The following ARHGEF18 variants were observed in gnomAD, a reference collection of about 807,000 sequenced individuals.
The protein encoded by ARHGEF18 is Rho/Rac guanine nucleotide exchange factor 18, also known as rho guanine nucleotide exchange factor 18.
Under a neutral mutation model 155.7 loss-of-function variants are expected in ARHGEF18, and 93 were observed. The ratio of observed to expected loss-of-function variants is 0.60; its 90% CI spans 0.50 to 0.71. The LOEUF is 0.71. Ranked by LOEUF, ARHGEF18 falls within the 30% of genes least tolerant of loss-of-function variation. ARHGEF18 has a pLI of 0.00. For missense variants in ARHGEF18, 1,593 were observed against 1,816.1 expected (o/e 0.88, Z 2.23); for synonymous variants, 742 against 753.1 (o/e 0.99, Z 0.24).
At chr19:7,456,501 G>A in intron 18 of ARHGEF18, 98 bp downstream of exon 18, 5 of 1,110,488 alleles carry the variant, frequency 4.5e-6, no homozygotes, top group Non-Finnish European at 6.8e-6. Flanking sequence ...CAGATCACTT[G>A]AGGTCAAGAG....
intron 10 of ARHGEF18, among the ~76,000 whole-genome samples, chr19:7,438,154 G>A (rs1050263833): frequency 3.0e-4 from 44 of 147,740 alleles, no homozygotes; most frequent in African/African-American, 1.0e-3. Flanking sequence ...AGGCTGGAGT[G>A]CAGTGGCACA....
In ARHGEF18 at chr19:7,367,866, A is replaced by ATAT. The variant is rs1969986190; in HGVS notation, c.16-4945_16-4944insATT. 3.8e-5 allele frequency among the ~76,000 whole-genome samples: 4 copies of ATAT among 106,142 alleles called. 1 individual carries two copies. Among genetic ancestry groups the ATAT allele is most frequent in the African/African-American group, 1.5e-4 (3 of 20,348 alleles). 69.6% of individuals were successfully genotyped at this position (106,142 alleles called of 152,430 possible). A position where few individuals can be genotyped will look rare whatever the true frequency, so the allele number is the denominator to read the frequency against. ...TTTATATATATATATACACATATAT[A>ATAT]TTTTTATATATATATATTTTATATA... On this transcript the variant is annotated intron_variant, in intron 2 of 28. Coordinates refer to ENST00000668164, the MANE Select transcript of ARHGEF18 (RefSeq NM_001367823.1).
chr19:7,400,824 G>A (rs1032518223), intron 10 of ARHGEF18, among the ~76,000 whole-genome samples: 2 of 152,072 alleles, frequency 1.3e-5, no homozygotes, highest in African/African-American at 4.8e-5. Context: ...AACAGAGCAA[G>A]ACCCTATCTC....
intron 8 of ARHGEF18, 83 bp downstream of exon 8, chr19:7,381,077 C>G (rs148130521): frequency 9.2e-7 from 1 of 1,086,802 alleles, no homozygotes; most frequent in East Asian, 3.2e-5. Flanking sequence ...CCAGACCCCC[C>G]ATGCTGGGGG....
At chr19:7,359,784 C>G (rs1431996434) in intron 1 of ARHGEF18, among the ~76,000 whole-genome samples, 1 of 151,456 alleles carries the variant, frequency 6.6e-6, no homozygotes, top group Non-Finnish European at 1.5e-5. Context: ...TTGAGTCAGT[C>G]ATTGGGAACT....
chr19:7,367,369 C>T lies in ARHGEF18; in HGVS notation c.15+4464C>T, dbSNP rs1056460534. 5.9e-5 allele frequency among the ~76,000 whole-genome samples: 9 copies of T among 151,806 alleles called. No homozygotes were observed. The South Asian group carries it at 1.2e-3, about 21-fold the overall frequency. On this transcript the variant is annotated intron_variant, in intron 2 of 28. Coordinates refer to ENST00000668164, the MANE Select transcript of ARHGEF18 (RefSeq NM_001367823.1). ...CTGTAATTCCAGCACTTTGGGAGGC[C>T]GAGGTGGGATGGTCACTTTAGCCCA...
At chr19:7,401,986 T>C (rs893653026) in intron 10 of ARHGEF18, among the ~76,000 whole-genome samples, 1 of 152,214 alleles carries the variant, frequency 6.6e-6, no homozygotes, top group East Asian at 1.9e-4. Context: ...GCTGTATGAT[T>C]CCATTTATAT....
At position 7,440,807 on chromosome 19, in the gene ARHGEF18, T is replaced by TC. The variant is rs1381837724; in HGVS notation, c.1106+328dup. 2.0e-5 allele frequency among the ~76,000 whole-genome samples: 3 copies of TC among 152,078 alleles called. No homozygotes were observed. Reference sequence around the variant, plus strand: ...TCCTGCTGGGTGTGTGGAGGCGGCGTCCCATTATCTGTGCCTTACCTCGTT... The same window carrying TC: ...TCCTGCTGGGTGTGTGGAGGCGGCGTCCCCATTATCTGTGCCTTACCTCGTT... On this transcript the variant is annotated intron_variant, in intron 11 of 28. Transcript: ENST00000668164. This position sits in a 1 kb window ranked among gnomAD's most constrained non-coding sequence, Gnocchi z 5.4.
At chr19:7,381,127 G>A (rs1270566260) in intron 8 of ARHGEF18, 133 bp downstream of exon 8, 3 of 611,300 alleles carry the variant, frequency 4.9e-6, no homozygotes, top group African/African-American at 3.8e-5. Flanking sequence ...GTGGGAGCTG[G>A]CAGGAAAGGG....
chr19:7,479,439 G>T, the ARHGEF18 span, among the ~76,000 whole-genome samples: 3 of 152,142 alleles, frequency 2.0e-5, no homozygotes, highest in Non-Finnish European at 4.4e-5. Flanking sequence ...AGCCAAGATC[G>T]CACCACTGCA....
intron 10 of ARHGEF18, among the ~76,000 whole-genome samples, chr19:7,433,785 C>G (rs920586197): frequency 8.6e-5 from 13 of 151,718 alleles, no homozygotes; most frequent in African/African-American, 2.7e-4. Context: ...TTTGGAAGGC[C>G]GAGGCAGGCG....
At chr19:7,414,485 A>G (rs918739185) in intron 10 of ARHGEF18, among the ~76,000 whole-genome samples, 3 of 151,956 alleles carry the variant, frequency 2.0e-5, no homozygotes, top group African/African-American at 7.3e-5. Context: ...AGACCAGCCT[A>G]GCCAACATGG....
intron 10 of ARHGEF18, among the ~76,000 whole-genome samples, chr19:7,404,494 C>CT (rs1660507374): frequency 7.4e-6 from 1 of 135,124 alleles, no homozygotes; most frequent in Admixed American, 8.0e-5. Flanking sequence ...GAGTCTCGCT[C>CT]TGTCACCCAG....
At chr19:7,412,869 G>T (rs377472316) in intron 10 of ARHGEF18, among the ~76,000 whole-genome samples, 2 of 152,146 alleles carry the variant, frequency 1.3e-5, no homozygotes, top group South Asian at 4.1e-4. Flanking sequence ...CTGGTCGTTT[G>T]TATCTCTTCT....
rs1230575012 is a variant in ARHGEF18, at chr19:7,410,425, T to G, written c.967+27222T>G. Among the ~76,000 whole-genome samples, 3 of 152,048 alleles carry G rather than the reference T, an allele frequency of 2.0e-5. No homozygotes were observed. In the East Asian group the frequency reaches 5.8e-4, roughly 29 times the overall value. ...ACACACATACATACACACACACATA[T>G]GTATATAAATCTTCCAGCTTTCTGG... On this transcript the variant is annotated intron_variant, in intron 10 of 28. Coordinates refer to ENST00000668164, the MANE Select transcript of ARHGEF18 (RefSeq NM_001367823.1).
At chr19:7,406,921 C>T (rs1407132666) in intron 10 of ARHGEF18, among the ~76,000 whole-genome samples, 3 of 151,648 alleles carry the variant, frequency 2.0e-5, no homozygotes, top group African/African-American at 7.3e-5. Context: ...AAAAATTAGC[C>T]GGGCGTGGTG....
At chr19:7,441,471 C>A (rs1344594434) in intron 11 of ARHGEF18, among the ~76,000 whole-genome samples, 182 bp from the exon 12 acceptor site, 1 of 152,110 alleles carries the variant, frequency 6.6e-6, no homozygotes, top group African/African-American at 2.4e-5. Context: ...TGAGACACTG[C>A]ACCTGGCAAA....
intron 10 of ARHGEF18, among the ~76,000 whole-genome samples, chr19:7,384,402 G>A (rs957571959): frequency 2.0e-5 from 3 of 152,214 alleles, no homozygotes; most frequent in Non-Finnish European, 4.4e-5. Context: ...GATGGGCTTA[G>A]ACCCTGCAGT....
chr19:7,451,343 T>G, intron 16 of ARHGEF18, 77 bp downstream of exon 16: 1 of 1,250,188 alleles, frequency 8.0e-7, no homozygotes, highest in Middle Eastern at 2.1e-4. Context: ...ACTCCCTATT[T>G]GAGCAGCAAA....
Sources: gnomAD v4.1 joint callset for allele counts (sites outside exome capture counted in the v4.1 genomes callset) on GRCh38, gnomAD v4.1.1 for gene constraint, Gnocchi (gnomAD v3.1) non-coding constraint, MANE v1.5 for transcripts, NCBI Gene and HGNC (gene_info 2026-07-23, HGNC 2026-07-21) for gene names.